SMC6: variants seen among roughly 807,000 people sequenced by gnomAD.
SMC6 encodes the protein structural maintenance of chromosomes protein 6.
Under a neutral mutation model 142.2 loss-of-function variants are expected in SMC6, and 79 were observed. The ratio of observed to expected loss-of-function variants is 0.56; its 90% CI spans 0.46 to 0.67. The LOEUF is 0.67. SMC6 is among the 30% of genes least tolerant of loss of function. The pLI, the probability that SMC6 is intolerant of heterozygous loss-of-function variation, is 0.00. For synonymous variants in SMC6, 411 were observed against 412.4 expected (o/e 1.00, Z 0.04); for missense variants, 1,072 against 1,284.0 (o/e 0.83, Z 2.52).
intron 23 of SMC6, among the ~76,000 whole-genome samples, chr2:17,688,601 A>G (rs1484246233): frequency 6.6e-6 from 1 of 152,136 alleles, no homozygotes; most frequent in Admixed American, 6.6e-5. Flanking sequence ...TGGACCGTAA[A>G]TGACTATAGT....
intron 21 of SMC6, among the ~76,000 whole-genome samples, chr2:17,699,049 A>T (rs1668145101): frequency 6.6e-6 from 1 of 152,122 alleles, no homozygotes; most frequent in African/African-American, 2.4e-5. Flanking sequence ...AATTTTTGCT[A>T]GCCTTCTAAA....
At chr2:17,732,651 A>G (rs1306706617) in intron 5 of SMC6, among the ~76,000 whole-genome samples, 1 of 152,020 alleles carries the variant, frequency 6.6e-6, no homozygotes, top group Non-Finnish European at 1.5e-5. Context: ...GTGAGCTGAG[A>G]TCGTGCCATT....
Position 17,703,221 on chromosome 2 carries a change from T to C in SMC6, c.2078A>G (p.Glu693Gly), listed in dbSNP as rs755040745. The C allele has an allele frequency of 3.1e-6, 5 of 1,599,914 alleles. No homozygotes were observed. Among genetic ancestry groups the C allele is most frequent in the African/African-American group, 2.7e-5 (2 of 74,226 alleles). Residue 693 changes from glutamate (E) to glycine (G), a missense_variant, in exon 19 of 28, where the codon GAA becomes GGA. Glu to Gly is a moderately conservative substitution (Grantham distance 98). Around this residue, in one of 3 missense-constraint regions of SMC6, gnomAD observed 994 missense variants for 1,153.2 expected, o/e 0.86. Transcript: ENST00000448223. ...TTCCTCATTGTGTTTAATATCTTTT[T>C]CAAGGGCAGATAAATGTTGCTGAAG... ...LNLQQHLSAL[E>G]KDIKHNEELL... is the part of the protein sequence containing the mutation.
intron 16 of SMC6, chr2:17,713,654 A>G (rs888546462): frequency 2.6e-6 from 1 of 385,958 alleles, no homozygotes; most frequent in African/African-American, 2.1e-5. Flanking sequence ...CACTCTAACC[A>G]GAAACCTAGG....
chr2:17,720,745 A>C (rs17381041), intron 11 of SMC6, among the ~76,000 whole-genome samples, 195 bp downstream of exon 11: 37,604 of 152,074 alleles, frequency 0.25, 6,091 homozygotes, highest in Middle Eastern at 0.43. Context: ...TATCAAGGAT[A>C]GAGTACTCTT....
intron 24 of SMC6, among the ~76,000 whole-genome samples, chr2:17,683,375 C>A (rs1185082587): frequency 6.6e-6 from 1 of 151,966 alleles, no homozygotes; most frequent in Non-Finnish European, 1.5e-5. Context: ...ATTTTAGAAC[C>A]AATGAGTTCC....
In SMC6 at chr2:17,679,050, A is replaced by G. The variant is rs539811015; in HGVS notation, c.2805-86T>C. 1.3e-5 allele frequency: 11 copies of G among 851,252 alleles called. No homozygotes were observed. In the South Asian group the frequency reaches 2.2e-4, roughly 17 times the overall value. 52.7% of individuals were successfully genotyped at this position (851,252 alleles called of 1,614,324 possible). Reference sequence around the variant, plus strand: ...CAGCATGATCTAAGCATGTGAGAAAACCAGATGGAAATATGCCAAAATGTA... The same window carrying G: ...CAGCATGATCTAAGCATGTGAGAAAGCCAGATGGAAATATGCCAAAATGTA... On this transcript the variant is annotated intron_variant, in intron 24 of 27. Coordinates refer to ENST00000448223, the MANE Select transcript of SMC6 (RefSeq NM_001142286.2).
At chr2:17,690,147 T>C (rs1239245545) in intron 23 of SMC6, among the ~76,000 whole-genome samples, 3 of 152,248 alleles carry the variant, frequency 2.0e-5, no homozygotes, top group East Asian at 3.8e-4. Context: ...AAATGTAATA[T>C]GTGAGTGACT....
At chr2:17,716,670 T>C (rs1460708167) in intron 14 of SMC6, 71 bp downstream of exon 14, 1 of 1,446,100 alleles carries the variant, frequency 6.9e-7, no homozygotes, top group Non-Finnish European at 9.4e-7. Flanking sequence ...ATTTGCTCTC[T>C]TCATACAAGA....
chr2:17,707,487 T>C lies in SMC6; in HGVS notation c.1846-108A>G, dbSNP rs1202389756. On this transcript the variant is annotated intron_variant, in intron 17 of 27. Coordinates refer to ENST00000448223, the MANE Select transcript of SMC6 (RefSeq NM_001142286.2). ...TTATTATTTTAATATGATTCAAGTA[T>C]TCTTTTTAAAACATTCAAATAATTT... The C allele has an allele frequency of 5.0e-6, 3 of 603,992 alleles. No homozygotes were observed. In the African/African-American group the frequency reaches 5.8e-5, roughly 12 times the overall value. The allele number at this position is 603,992 out of a possible 1,614,324, so 37.4% of individuals were successfully genotyped here. A position where few individuals can be genotyped will look rare whatever the true frequency, so the allele number is the denominator to read the frequency against.
At chr2:17,736,726 T>A (rs74634809) in intron 5 of SMC6, among the ~76,000 whole-genome samples, 4 of 150,514 alleles carry the variant, frequency 2.7e-5, no homozygotes, top group Admixed American at 2.6e-4. Flanking sequence ...AAAAAAAAAT[T>A]AGCCAGGCGT....
At chr2:17,743,459 A>C (rs1311392288) in intron 3 of SMC6, among the ~76,000 whole-genome samples, 1 of 152,154 alleles carries the variant, frequency 6.6e-6, no homozygotes, top group Non-Finnish European at 1.5e-5. Flanking sequence ...TTAGGTTCAC[A>C]GCAAAATTGA....
At chr2:17,666,560 C>A in intron 26 of SMC6, 43 bp from the exon 27 acceptor site, 2 of 1,445,474 alleles carry the variant, frequency 1.4e-6, no homozygotes, top group South Asian at 2.3e-5. Context: ...TTGTGTAAGT[C>A]ACATTTCTGT....
intron 21 of SMC6, among the ~76,000 whole-genome samples, chr2:17,698,893 T>C (rs143482257): frequency 1.3e-5 from 2 of 152,220 alleles, no homozygotes; most frequent in African/African-American, 4.8e-5. Context: ...ACACCAAACA[T>C]CACAGTCTCC....
chr2:17,673,721 C>T (rs1572247065), intron 25 of SMC6, among the ~76,000 whole-genome samples: 1 of 151,768 alleles, frequency 6.6e-6, no homozygotes, highest in African/African-American at 2.4e-5. Flanking sequence ...AGGCATGTGC[C>T]ACCATGCCCA....
intron 16 of SMC6, among the ~76,000 whole-genome samples, chr2:17,713,141 C>T (rs1668910457): frequency 6.6e-6 from 1 of 152,180 alleles, no homozygotes; most frequent in Non-Finnish European, 1.5e-5. Flanking sequence ...TTCCCTTTTC[C>T]CTTTCTGCAG....
intron 7 of SMC6, among the ~76,000 whole-genome samples, chr2:17,728,727 G>A (rs961281001): frequency 6.6e-6 from 1 of 150,746 alleles, no homozygotes; most frequent in Non-Finnish European, 1.5e-5. Flanking sequence ...CAATGTCCAA[G>A]AAAAATATAC....
At position 17,738,327 on chromosome 2, in the gene SMC6, C is replaced by CT; in HGVS notation, c.239-2dup. 1 of 1,597,106 alleles carries CT rather than the reference C, an allele frequency of 6.3e-7. No individual in the cohort carries two copies. The highest frequency in any genetic ancestry group is 8.5e-7 in the Non-Finnish European group (1 of 1,171,750). On this transcript the variant is annotated splice_acceptor_variant, in intron 4 of 27. Transcript: ENST00000448223. LOFTEE classifies it high-confidence loss of function. Reference sequence around the variant, plus strand: ...GCTGTGAGTACTGCACTCTTCCCACCTAAAGAAACAGATGTTGAAGAAATC... The same window carrying CT: ...GCTGTGAGTACTGCACTCTTCCCACCTTAAAGAAACAGATGTTGAAGAAATC...
intron 7 of SMC6, among the ~76,000 whole-genome samples, chr2:17,729,113 A>T (rs1255830311): frequency 6.6e-6 from 1 of 152,214 alleles, no homozygotes; most frequent in African/African-American, 2.4e-5. Context: ...GGTGAAATTT[A>T]ATAACATATT....
Sources: gnomAD v4.1 joint callset for allele counts (sites outside exome capture counted in the v4.1 genomes callset) on GRCh38, gnomAD v4.1.1 for gene constraint, gnomAD v4.1.1 regional missense constraint, MANE v1.5 for transcripts, NCBI Gene and HGNC (gene_info 2026-07-23, HGNC 2026-07-21) for gene names.